The following AKR1C3 variants were observed in gnomAD, a reference collection of about 807,000 sequenced individuals.
AKR1C3 encodes the protein 3-alpha hydroxysteroid dehydrogenase, type II.
In AKR1C3, 48 loss-of-function variants were observed where a neutral mutation model predicts 43.6. The observed-to-expected ratio is 1.10, with a 90% CI of 0.87 to 1.40. AKR1C3 has a LOEUF of 1.40. Ranked by LOEUF, AKR1C3 falls within the 40% of genes most tolerant of loss-of-function variation. The pLI is 0.00. For synonymous variants in AKR1C3, 162 were observed against 139.6 expected (o/e 1.16, Z -1.13); for missense variants, 482 against 391.2 (o/e 1.23, Z -1.96).
At chr10:5,077,837 A>G (rs1283871804) in intron 1 of AKR1C3, 38 of 539,972 alleles carry the variant, frequency 7.0e-5, no homozygotes, top group Non-Finnish European at 1.1e-4. Context: ...AAAATAACAT[A>G]TAAAAACTGT....
At chr10:5,089,087 CTT>C (rs1365012210) in intron 1 of AKR1C3, among the ~76,000 whole-genome samples, 2 of 151,972 alleles carry the variant, frequency 1.3e-5, no homozygotes, top group Non-Finnish European at 2.9e-5. Context: ...TATCTTCCGA[CTT>C]TTAGGTTTTC....
chr10:5,104,897 G>T (rs1839460157), intron 7 of AKR1C3, among the ~76,000 whole-genome samples: 1 of 152,026 alleles, frequency 6.6e-6, no homozygotes, highest in Non-Finnish European at 1.5e-5. Context: ...AAAATGTAAT[G>T]AACACCTTTT....
upstream of AKR1C3, chr10:5,093,311 C>T (rs1054507477): frequency 7.9e-5 from 12 of 152,010 alleles, no homozygotes; most frequent in Non-Finnish European, 1.5e-4. Flanking sequence ...GCTGAAATCA[C>T]TCTGTAAAAG....
At chr10:5,056,878 A>G (rs1186732790) in intron 1 of AKR1C3, among the ~76,000 whole-genome samples, 1 of 152,258 alleles carries the variant, frequency 6.6e-6, no homozygotes, top group Non-Finnish European at 1.5e-5. Context: ...ACCTGGTGCC[A>G]GGCTGTCCCA....
intron 5 of AKR1C3, 44 bp downstream of exon 5, chr10:5,099,493 C>T (rs782586842): frequency 2.5e-6 from 4 of 1,613,432 alleles, no homozygotes; most frequent in Non-Finnish European, 3.4e-6. Flanking sequence ...TTCATGCCCC[C>T]TCTTCCTGTC....
At chr10:5,051,257 G>A (rs1276483064) in intron 1 of AKR1C3, among the ~76,000 whole-genome samples, 1 of 151,982 alleles carries the variant, frequency 6.6e-6, no homozygotes, top group Non-Finnish European at 1.5e-5. Flanking sequence ...CACCATACTC[G>A]CCTAATTTTT....
At chr10:5,071,267 G>A (rs1298815925) in intron 1 of AKR1C3, among the ~76,000 whole-genome samples, 1 of 152,180 alleles carries the variant, frequency 6.6e-6, no homozygotes, top group African/African-American at 2.4e-5. Flanking sequence ...GCTCCATGGT[G>A]CAAAGCAGGA....
chr10:5,098,937 C>G (rs1839281657), intron 4 of AKR1C3, 58 bp downstream of exon 4: 78 of 1,417,744 alleles, frequency 5.5e-5, no homozygotes, highest in Non-Finnish European at 7.4e-5. Flanking sequence ...AATCTGTTTC[C>G]CAGGTTCAAT....
intron 1 of AKR1C3, among the ~76,000 whole-genome samples, chr10:5,072,214 G>T (rs531571364): frequency 6.6e-6 from 1 of 152,136 alleles, no homozygotes; most frequent in Non-Finnish European, 1.5e-5. Flanking sequence ...CCTGGCATAA[G>T]TCAAAATAAA....
chr10:5,048,974 T>C, intron 1 of AKR1C3: 16 of 1,180,218 alleles, frequency 1.4e-5, no homozygotes, highest in Non-Finnish European at 1.1e-5. Context: ...GTTGTCAGGT[T>C]TGTGTTCGTG....
At chr10:5,076,404 GTC>G (rs10612196) in intron 1 of AKR1C3, among the ~76,000 whole-genome samples, 45,783 of 150,314 alleles carry the variant, frequency 0.3, 7,087 homozygotes, top group Middle Eastern at 0.44. Flanking sequence ...TGTTCTCTCT[GTC>G]TCTCTCTCTC....
At chr10:5,048,961 TG>T in intron 1 of AKR1C3, 1 of 1,363,730 alleles carries the variant, frequency 7.3e-7, no homozygotes, top group Non-Finnish European at 1.0e-6. Flanking sequence ...GAAGCTGACC[TG>T]GGTTGTCAGG....
intron 3 of AKR1C3, chr10:5,098,324 G>T: frequency 4.8e-6 from 2 of 420,546 alleles, no homozygotes; most frequent in Non-Finnish European, 3.2e-6. Context: ...GCAGCTCAAG[G>T]CTCATGGTCA....
intron 1 of AKR1C3, among the ~76,000 whole-genome samples, chr10:5,094,856 TTC>T (rs1294586643): frequency 5.3e-5 from 8 of 152,238 alleles, no homozygotes; most frequent in Non-Finnish European, 7.4e-5. Flanking sequence ...TAGGAGTGAT[TTC>T]TCTGTTTCTA....
At chr10:5,054,775 T>C (rs1044112164) in intron 1 of AKR1C3, among the ~76,000 whole-genome samples, 1 of 152,184 alleles carries the variant, frequency 6.6e-6, no homozygotes, top group Admixed American at 6.5e-5. Flanking sequence ...TGTCTCTGTC[T>C]CTTCCCCTCT....
intron 1 of AKR1C3, among the ~76,000 whole-genome samples, chr10:5,083,008 A>G (rs1467832307): frequency 6.6e-6 from 1 of 151,900 alleles, no homozygotes; most frequent in African/African-American, 2.4e-5. Flanking sequence ...TCTGCTCTGG[A>G]TTTCTATTTC....
chr10:5,057,494 A>G (rs1838285948), intron 1 of AKR1C3, among the ~76,000 whole-genome samples: 1 of 138,822 alleles, frequency 7.2e-6, no homozygotes, highest in African/African-American at 2.7e-5. Context: ...CTTATCTTTT[A>G]GAATCAATTG....
chr10:5,091,705 A>G (rs1362609387), upstream of AKR1C3, among the ~76,000 whole-genome samples: 1 of 152,156 alleles, frequency 6.6e-6, no homozygotes, highest in Non-Finnish European at 1.5e-5. Context: ...CTTCTTCCAC[A>G]GCTTCGTTTC....
upstream of AKR1C3, chr10:5,094,401 G>T: frequency 1.3e-6 from 2 of 1,599,578 alleles, no homozygotes; most frequent in Admixed American, 3.4e-5. Flanking sequence ...AATCTCTGAG[G>T]AGAAGCAGCA....
Sources: allele counts gnomAD v4.1 joint callset (sites outside exome capture counted in the v4.1 genomes callset), GRCh38; gene constraint gnomAD v4.1.1; transcripts MANE v1.5; gene names NCBI Gene and HGNC (gene_info 2026-07-23, HGNC 2026-07-21).